Variants in ANKH observed in about 807,000 individuals in gnomAD.
The protein encoded by ANKH is ANKH inorganic pyrophosphate transport regulator.
In ANKH, 15 loss-of-function variants were observed where a neutral mutation model predicts 49.0. The ratio of observed to expected loss-of-function variants is 0.31; its 90% confidence interval spans 0.20 to 0.47. ANKH has a LOEUF of 0.47. Ranked by LOEUF, ANKH falls within the 20% of genes least tolerant of loss-of-function variation. The pLI, the probability that ANKH is intolerant of heterozygous loss-of-function variation, is 1.00. For synonymous variants in ANKH, 273 were observed against 260.0 expected, an observed-to-expected ratio of 1.05 and a Z score of -0.48; for missense variants, 429 against 652.0, an observed-to-expected ratio of 0.66 and a Z score of 3.72.
chr5:14,871,525 G>T lies in ANKH; in HGVS notation c.-78C>A, dbSNP rs1309359613. ...GCGGGGAGGCGAGGGGCGACGGGGC[G>T]ACGGGGCGAGCGGGGCGCGGGCCGA... is the stretch of plus-strand genomic sequence containing the variant. On this transcript the variant is annotated 5_prime_UTR_variant, in exon 1 of 12. Coordinates refer to ENST00000284268, the MANE Select transcript of ANKH (RefSeq NM_054027.6). 2 of 1,179,818 alleles carry T rather than the reference G, an allele frequency of 1.7e-6. No homozygotes were observed. The highest frequency in any genetic ancestry group is 3.2e-5 in the East Asian group (1 of 31,210). 73.1% of individuals were successfully genotyped at this position (1,179,818 alleles called of 1,614,324 possible). A position where few individuals can be genotyped will look rare whatever the true frequency, so the allele number is the denominator to read the frequency against.
At chr5:14,724,325 C>T in intron 8 of ANKH, among the ~76,000 whole-genome samples, 1 of 151,792 alleles carries the variant, frequency 6.6e-6, no homozygotes, top group Non-Finnish European at 1.5e-5. Flanking sequence ...CTCAAAACAA[C>T]AACAACAACA....
chr5:14,839,664 G>A lies in ANKH; in HGVS notation c.96+31688C>T, dbSNP rs560019027. Reference sequence around the variant, plus strand: ...AATCAAGACTACCAAAGCTCAAGCCGTCAACTTTGTCTTTCCTAGAAGAAA... The same window carrying A: ...AATCAAGACTACCAAAGCTCAAGCCATCAACTTTGTCTTTCCTAGAAGAAA... On this transcript the variant is annotated intron_variant, in intron 1 of 11. Coordinates refer to ENST00000284268, the MANE Select transcript of ANKH (RefSeq NM_054027.6). Among the ~76,000 whole-genome samples the A allele has an allele frequency of 7.2e-5, 11 of 152,216 alleles. No homozygotes were observed. In the South Asian group the frequency reaches 1.9e-3, roughly 26 times the overall value.
intron 1 of ANKH, among the ~76,000 whole-genome samples, chr5:14,826,673 T>A (rs1276234932): frequency 3.3e-5 from 5 of 152,226 alleles, no homozygotes; most frequent in Non-Finnish European, 7.3e-5. Context: ...ATAACACAGC[T>A]GAATTTCGGC....
At chr5:14,727,059 G>C (rs1291752003) in intron 8 of ANKH, among the ~76,000 whole-genome samples, 1 of 152,194 alleles carries the variant, frequency 6.6e-6, no homozygotes, top group Non-Finnish European at 1.5e-5. Context: ...GACACGGGAA[G>C]GAGTTTTTAC....
At chr5:14,797,363 A>G in intron 1 of ANKH, 2 of 1,610,636 alleles carry the variant, frequency 1.2e-6, no homozygotes, top group Non-Finnish European at 1.7e-6. Flanking sequence ...TTTTACTTAA[A>G]TCCTAGACAT....
intron 1 of ANKH, chr5:14,797,554 G>A (rs1255761991): frequency 6.2e-6 from 10 of 1,610,760 alleles, no homozygotes; most frequent in South Asian, 3.3e-5. Flanking sequence ...TCACTATAAG[G>A]ACTGAAAGAA....
chr5:14,755,970 T>C, intron 3 of ANKH, 26 bp from the exon 4 acceptor site: 1 of 1,586,582 alleles, frequency 6.3e-7, no homozygotes, highest in Non-Finnish European at 8.7e-7. Flanking sequence ...GAATTTGGCA[T>C]GAGATACACC....
In ANKH at chr5:14,860,356, G is replaced by A. The variant is rs369698436; in HGVS notation, c.96+10996C>T. ...TGGCTAGAATCACGAAGAGCTGAAAGTTACTGCCTCCTTATTAAGTGTGGT... is the reference window on the plus strand; with the variant it reads ...TGGCTAGAATCACGAAGAGCTGAAAATTACTGCCTCCTTATTAAGTGTGGT... On this transcript the variant is annotated intron_variant, in intron 1 of 11. Coordinates refer to ENST00000284268, the MANE Select transcript of ANKH (RefSeq NM_054027.6). Among the ~76,000 whole-genome samples the A allele has an allele frequency of 2.5e-4, 38 of 152,314 alleles. No individual in the cohort carries two copies. In the South Asian group the frequency reaches 6.6e-3, roughly 27 times the overall value.
intron 8 of ANKH, among the ~76,000 whole-genome samples, chr5:14,721,635 T>C (rs959178035): frequency 6.6e-6 from 1 of 152,128 alleles, no homozygotes; most frequent in Non-Finnish European, 1.5e-5. Context: ...ATTTAACTTA[T>C]AAGTGGATAT....
chr5:14,804,724 T>G (rs1299230608), intron 1 of ANKH, among the ~76,000 whole-genome samples: 1 of 152,244 alleles, frequency 6.6e-6, no homozygotes, highest in South Asian at 2.1e-4. Flanking sequence ...ATGGATACTT[T>G]CTATGTTTTT....
chr5:14,771,503 G>A (rs532882297), intron 1 of ANKH, among the ~76,000 whole-genome samples: 1 of 152,312 alleles, frequency 6.6e-6, no homozygotes, highest in East Asian at 1.9e-4. Flanking sequence ...AGTAAACAGG[G>A]TTTAGGTCTC....
chr5:14,793,005 T>TAA (rs1554006416), intron 1 of ANKH, among the ~76,000 whole-genome samples: 1,390 of 60,090 alleles, frequency 0.023, 27 homozygotes, highest in Non-Finnish European at 0.031. Context: ...TATATATATA[T>TAA]AAATATATAT....
Position 14,871,565 on chromosome 5 carries a change from G to T in ANKH, c.-118C>A. 1 of 486,788 alleles carries T rather than the reference G, an allele frequency of 2.1e-6. No individual in the cohort carries two copies. The highest frequency in any genetic ancestry group is 2.8e-6 in the Non-Finnish European group (1 of 352,568). The allele number at this position is 486,788 out of a possible 1,614,324, so 30.2% of individuals were successfully genotyped here. On this transcript the variant is annotated 5_prime_UTR_variant, in exon 1 of 12. Transcript: ENST00000284268. ...GCGCGGGCCGACAGAGGCCGCGGGCGGCGGGGCCTCGGGCGCGGCGGCGGC... is the reference window on the plus strand; with the variant it reads ...GCGCGGGCCGACAGAGGCCGCGGGCTGCGGGGCCTCGGGCGCGGCGGCGGC...
chr5:14,797,224 C>T, intron 1 of ANKH: 1 of 1,337,462 alleles, frequency 7.5e-7, no homozygotes, highest in Non-Finnish European at 1.1e-6. Context: ...TCTTCCGATA[C>T]AGAACACATC....
Position 14,737,915 on chromosome 5 carries a change from G to T in ANKH, c.1011+3912C>A, listed in dbSNP as rs1279734579. ...CCCTTTCTCATCCTCATGCCCATCA[G>T]ATGGTTTAGAGAGATCAATCAACCT... On this transcript the variant is annotated intron_variant, in intron 8 of 11. Transcript: ENST00000284268. This position sits in a 1 kb window ranked among gnomAD's most constrained non-coding sequence, Gnocchi z 5.0. Among the ~76,000 whole-genome samples, 1 of 152,180 alleles carries T rather than the reference G, an allele frequency of 6.6e-6. No homozygotes were observed. Among genetic ancestry groups the T allele is most frequent in the Non-Finnish European group, 1.5e-5 (1 of 68,040 alleles).
At position 14,767,319 on chromosome 5, in the gene ANKH, G is replaced by T. The variant is rs146645528; in HGVS notation, c.313+1656C>A. 4.3e-4 allele frequency among the ~76,000 whole-genome samples: 65 copies of T among 152,222 alleles called. 3 individuals carry two copies. The East Asian group carries it at 0.012, about 29-fold the overall frequency. ...TAAGGAGGCCAACACTCTAGAAAAG[G>T]GTACATCATTAAGATCTGATTTTCA... On this transcript the variant is annotated intron_variant, in intron 2 of 11. Coordinates refer to ENST00000284268, the MANE Select transcript of ANKH (RefSeq NM_054027.6).
chr5:14,721,799 A>G (rs112493705), intron 8 of ANKH, among the ~76,000 whole-genome samples: 6,626 of 152,052 alleles, frequency 0.044, 194 homozygotes, highest in Middle Eastern at 0.13. Flanking sequence ...GCATGGTGGC[A>G]GGCGCCTGTA....
intron 6 of ANKH, among the ~76,000 whole-genome samples, chr5:14,748,692 C>A (rs1200310889): frequency 6.6e-6 from 1 of 152,214 alleles, no homozygotes; most frequent in Non-Finnish European, 1.5e-5. Context: ...TGGTGAAGGG[C>A]AGGTGAGGGC....
Position 14,796,354 on chromosome 5 carries a change from A to G in ANKH, c.97-27163T>C, listed in dbSNP as rs576222426. Among the ~76,000 whole-genome samples, 28 of 152,020 alleles carry G rather than the reference A, an allele frequency of 1.8e-4. No individual in the cohort carries two copies. In the East Asian group the frequency reaches 5.4e-3, roughly 29 times the overall value. The stretch of plus-strand genomic sequence containing the variant: ...CAAGGATTAATTTAATTTTTAAAAC[A>G]AATACAATTTATCGATTCACTCTTC... On this transcript the variant is annotated intron_variant, in intron 1 of 11. Transcript: ENST00000284268.
Sources: gnomAD v4.1 joint callset for allele counts (sites outside exome capture counted in the v4.1 genomes callset) on GRCh38, gnomAD v4.1.1 for gene constraint, Gnocchi (gnomAD v3.1) non-coding constraint, MANE v1.5 for transcripts, NCBI Gene and HGNC (gene_info 2026-07-23, HGNC 2026-07-21) for gene names.